Variants in CDH4 observed in about 807,000 individuals in gnomAD.
The protein encoded by CDH4 is cadherin-4.
Under a neutral mutation model 86.0 loss-of-function variants are expected in CDH4, and 33 were observed. The ratio of observed to expected loss-of-function variants is 0.38; its 90% CI spans 0.29 to 0.51. The LOEUF (loss-of-function observed/expected upper bound fraction) is 0.51, where lower values mean the gene tolerates loss of function less well. CDH4 is among the 20% of genes least tolerant of loss of function. The pLI, the probability that CDH4 is intolerant of heterozygous loss-of-function variation, is 0.86. For synonymous variants in CDH4, 555 were observed against 549.4 expected, an observed-to-expected ratio of 1.01 and a Z score of -0.14; for missense variants, 1,114 against 1,307.4, an observed-to-expected ratio of 0.85 and a Z score of 2.28.
intron 7 of CDH4, among the ~76,000 whole-genome samples, chr20:61,887,299 G>T (rs1432630666): frequency 6.6e-6 from 1 of 152,140 alleles, no homozygotes; most frequent in Non-Finnish European, 1.5e-5. Context: ...CTTCCTGCGG[G>T]TCTAGCTTCC....
Position 61,413,532 on chromosome 20 carries a change from G to A in CDH4, c.169+158595G>A, listed in dbSNP as rs975352488. 2.0e-5 allele frequency among the ~76,000 whole-genome samples: 3 copies of A among 152,190 alleles called. No homozygotes were observed. The East Asian group carries it at 5.8e-4, about 29-fold the overall frequency. ...TGGGGAGGTGGTGGGACTGCTGCAC[G>A]GGATGGCATGCTGTGTGTCTTGTGC... On this transcript the variant is annotated intron_variant, in intron 2 of 15. Transcript: ENST00000614565.
At chr20:61,414,812 C>T (rs1457792280) in intron 2 of CDH4, among the ~76,000 whole-genome samples, 4 of 152,168 alleles carry the variant, frequency 2.6e-5, no homozygotes, top group Non-Finnish European at 5.9e-5. Flanking sequence ...AGAGCTGTGT[C>T]CCTTGCAGAG....
At chr20:61,875,626 C>T (rs1398690747) in intron 7 of CDH4, among the ~76,000 whole-genome samples, 1 of 152,166 alleles carries the variant, frequency 6.6e-6, no homozygotes, top group Non-Finnish European at 1.5e-5. Flanking sequence ...CCTGGGGCTC[C>T]GAGTGAGCTG....
intron 2 of CDH4, among the ~76,000 whole-genome samples, chr20:61,575,455 A>G (rs1335273725): frequency 6.6e-6 from 1 of 152,250 alleles, no homozygotes; most frequent in Non-Finnish European, 1.5e-5. Flanking sequence ...TGGGTAGTCT[A>G]TAATGGTGGT....
chr20:61,513,566 T>G (rs990331401), intron 2 of CDH4, among the ~76,000 whole-genome samples: 1 of 152,198 alleles, frequency 6.6e-6, no homozygotes, highest in Admixed American at 6.5e-5. Context: ...CAGAATTCCG[T>G]GCTCCCTGGT....
intron 2 of CDH4, among the ~76,000 whole-genome samples, chr20:61,693,090 A>G (rs948758330): frequency 4.6e-5 from 7 of 152,160 alleles, no homozygotes; most frequent in African/African-American, 1.7e-4. Context: ...TTAACTGATC[A>G]CCGGCTCACC....
chr20:61,468,036 G>C (rs891370273), intron 2 of CDH4, among the ~76,000 whole-genome samples: 1 of 152,248 alleles, frequency 6.6e-6, no homozygotes, highest in African/African-American at 2.4e-5. Context: ...TCCCAGCACA[G>C]GGTGTGGCAG....
In CDH4 at chr20:61,748,637, A is replaced by G. The variant is rs932450604; in HGVS notation, c.396+4848A>G. Among the ~76,000 whole-genome samples, 9 of 152,386 alleles carry G rather than the reference A, an allele frequency of 5.9e-5. No individual in the cohort carries two copies. In the South Asian group the frequency reaches 1.7e-3, roughly 28 times the overall value. On this transcript the variant is annotated intron_variant, in intron 3 of 15. Coordinates refer to ENST00000614565, the MANE Select transcript of CDH4 (RefSeq NM_001794.5). ...AGTGTAATGTTTCATGGGTGTAAAC[A>G]GAGAACTCGAATTTACAGCAAAAAC...
rs1286865328 is a variant in CDH4 at position 61,440,756 on chromosome 20, T to C, written c.169+185819T>C. The stretch of plus-strand genomic sequence containing the variant: ...GGCGGGCGCCATGGAGGAAGCGCTA[T>C]TGTTGGTGTCCTCAGCAGGTGTCCC... On this transcript the variant is annotated intron_variant, in intron 2 of 15. Coordinates refer to ENST00000614565, the MANE Select transcript of CDH4 (RefSeq NM_001794.5). 2.6e-5 allele frequency among the ~76,000 whole-genome samples: 4 copies of C among 152,228 alleles called. No individual in the cohort carries two copies. The East Asian group carries it at 7.8e-4, about 30-fold the overall frequency.
Position 61,377,781 on chromosome 20 carries a change from T to C in CDH4, c.169+122844T>C, listed in dbSNP as rs1641724266. On this transcript the variant is annotated intron_variant, in intron 2 of 15. Transcript: ENST00000614565. The surrounding 1 kb of genome is among the most constrained non-coding windows in gnomAD (Gnocchi z 4.0). ...CCATCTGTTCCCCATCTGGACTCCTTAGGTCGGTCCACTGGCCTGTGCCTT... is the reference window on the plus strand; with the variant it reads ...CCATCTGTTCCCCATCTGGACTCCTCAGGTCGGTCCACTGGCCTGTGCCTT... 6.6e-6 allele frequency among the ~76,000 whole-genome samples: 1 copy of C among 152,194 alleles called. No homozygotes were observed. The highest frequency in any genetic ancestry group is 2.4e-5 in the African/African-American group (1 of 41,458).
At chr20:61,521,685 A>C (rs2085870042) in intron 2 of CDH4, among the ~76,000 whole-genome samples, 1 of 152,226 alleles carries the variant, frequency 6.6e-6, no homozygotes, top group African/African-American at 2.4e-5. Context: ...TCTTCAAATC[A>C]GAACAAACCA....
chr20:61,605,812 T>C (rs2086640698), intron 2 of CDH4, among the ~76,000 whole-genome samples: 1 of 151,508 alleles, frequency 6.6e-6, no homozygotes, highest in African/African-American at 2.4e-5. Context: ...TGAAGGTCCT[T>C]GCAACATCTA....
intron 2 of CDH4, among the ~76,000 whole-genome samples, chr20:61,472,677 T>C (rs942338139): frequency 1.2e-4 from 18 of 152,272 alleles, no homozygotes; most frequent in South Asian, 1.0e-3. Flanking sequence ...AGAATGAAGT[T>C]TGAATAACTG....
intron 2 of CDH4, among the ~76,000 whole-genome samples, chr20:61,290,960 CT>C (rs952763219): frequency 6.6e-6 from 1 of 152,088 alleles, no homozygotes; most frequent in Non-Finnish European, 1.5e-5. Flanking sequence ...TTGGCTTGGC[CT>C]TTTTTTGGCT....
At chr20:61,858,616 T>G (rs1983179291) in intron 6 of CDH4, among the ~76,000 whole-genome samples, 2 of 152,236 alleles carry the variant, frequency 1.3e-5, no homozygotes, top group African/African-American at 4.8e-5. Context: ...CACGACTCTA[T>G]TTTCATCTGT....
chr20:61,911,041 G>A lies in CDH4; in HGVS notation c.1374+434G>A, dbSNP rs779156276. Among the ~76,000 whole-genome samples the A allele has an allele frequency of 8.5e-5, 13 of 152,286 alleles. No homozygotes were observed. In the East Asian group the frequency reaches 9.6e-4, roughly 11 times the overall value. On this transcript the variant is annotated intron_variant, in intron 9 of 15. Transcript: ENST00000614565. ...TTTCTGGGTGATTTAGGCCTATAGC[G>A]TCCTCATCTGGGTTTTGGTATCAAG... is the stretch of plus-strand genomic sequence containing the variant.
At chr20:61,296,818 C>T (rs998594391) in intron 2 of CDH4, among the ~76,000 whole-genome samples, 13 of 151,980 alleles carry the variant, frequency 8.6e-5, no homozygotes, top group Admixed American at 2.6e-4. Flanking sequence ...GGAAGGGTGA[C>T]GGACGGACGA....
chr20:61,362,106 T>C (rs1221738406), intron 2 of CDH4, among the ~76,000 whole-genome samples: 2 of 152,084 alleles, frequency 1.3e-5, no homozygotes, highest in Non-Finnish European at 2.9e-5. Context: ...CCTTTGTGAA[T>C]AGGAGACATT....
chr20:61,859,666 G>A (rs527402272), intron 6 of CDH4, among the ~76,000 whole-genome samples: 2 of 152,330 alleles, frequency 1.3e-5, no homozygotes, highest in South Asian at 2.1e-4. Flanking sequence ...TCCTCCCTCC[G>A]GTGAATTGCT....
Sources: allele counts gnomAD v4.1 joint callset (sites outside exome capture counted in the v4.1 genomes callset), GRCh38; gene constraint gnomAD v4.1.1; non-coding constraint Gnocchi (gnomAD v3.1); transcripts MANE v1.5; gene names NCBI Gene and HGNC (gene_info 2026-07-23, HGNC 2026-07-21).